ACACA: variants seen among roughly 807,000 people sequenced by gnomAD.
ACACA encodes acetyl-CoA carboxylase 1.
ACACA carries 103 observed loss-of-function variants against 296.1 expected under a neutral mutation model. The observed-to-expected ratio is 0.35, with a 90% CI of 0.30 to 0.41. The LOEUF (loss-of-function observed/expected upper bound fraction) is 0.41, where lower values mean the gene tolerates loss of function less well. Ranked by LOEUF, ACACA falls within the 10% of genes least tolerant of loss-of-function variation. The pLI is 1.00. For missense variants in ACACA, 1,554 were observed against 2,989.7 expected, an observed-to-expected ratio of 0.52 and a Z score of 11.20; for synonymous variants, 953 against 1,038.6, an observed-to-expected ratio of 0.92 and a Z score of 1.58.
chr17:37,278,923 G>A (rs953210023), intron 5 of ACACA, among the ~76,000 whole-genome samples: 3 of 152,084 alleles, frequency 2.0e-5, no homozygotes, highest in Non-Finnish European at 4.4e-5. Flanking sequence ...ATCCAGGTTT[G>A]TTACATAGGT....
intron 6 of ACACA, 80 bp from the exon 7 acceptor site, chr17:37,277,194 G>T: frequency 1.5e-6 from 2 of 1,325,508 alleles, no homozygotes; most frequent in Non-Finnish European, 1.1e-6. Flanking sequence ...ATCCAGGCTG[G>T]CCCTGTTTCT....
intron 42 of ACACA, among the ~76,000 whole-genome samples, 193 bp from the exon 43 acceptor site, chr17:37,155,973 C>T (rs536774818): frequency 6.6e-6 from 1 of 151,732 alleles, no homozygotes; most frequent in South Asian, 2.1e-4. Context: ...TTTTTTCACT[C>T]ACTAACTGTC....
chr17:37,225,335 A>G, intron 26 of ACACA: 1 of 487,878 alleles, frequency 2.0e-6, no homozygotes, highest in South Asian at 2.1e-5. Context: ...CCAATTTCCC[A>G]TGGTGGGTAG....
intron 51 of ACACA, among the ~76,000 whole-genome samples, 183 bp from the exon 52 acceptor site, chr17:37,111,826 G>A (rs760988576): frequency 6.6e-6 from 1 of 152,096 alleles, no homozygotes; most frequent in Admixed American, 6.5e-5. Flanking sequence ...TCTAAGTGAG[G>A]TATGAGAAAG....
intron 25 of ACACA, among the ~76,000 whole-genome samples, chr17:37,231,327 C>T (rs573528173): frequency 2.6e-5 from 4 of 152,162 alleles, no homozygotes; most frequent in African/African-American, 9.6e-5. Flanking sequence ...AGAATGTGAC[C>T]TTATGTGTAA....
chr17:37,353,636 C>CT (rs1423477997), intron 1 of ACACA, among the ~76,000 whole-genome samples: 6 of 20,454 alleles, frequency 2.9e-4, no homozygotes, highest in Admixed American at 8.9e-4. Flanking sequence ...AAGACTCCGT[C>CT]TAAAAAAAAA....
At chr17:37,309,618 T>C (rs138602091) in intron 3 of ACACA, among the ~76,000 whole-genome samples, 5 of 152,052 alleles carry the variant, frequency 3.3e-5, no homozygotes, top group African/African-American at 4.8e-5. Context: ...TAAGGACCAG[T>C]GCATGTGGCC....
rs775587842 is a variant in ACACA at position 37,181,306 on chromosome 17, T to G, written c.4827A>C (p.Leu1609Phe). The G allele has an allele frequency of 6.2e-7, 1 of 1,613,946 alleles. No homozygotes were observed. Among genetic ancestry groups the G allele is most frequent in the Non-Finnish European group, 8.5e-7 (1 of 1,179,922 alleles). ...GDKQGPLHGM[L>F]INTPYVTKDL... ...CTTTGGTCACATATGGAGTATTGAT[T>G]AACATTCCATGCAGTGGTCCCTGTT... is the stretch of plus-strand genomic sequence containing the variant. Residue 1609 changes from leucine (L) to phenylalanine (F), a missense_variant, in exon 40 of 56, where the codon TTA becomes TTC. Leu to Phe is a conservative substitution (Grantham distance 22, BLOSUM62 0). This residue lies in a region of ACACA where 553 missense variants were observed against 1,043.6 expected (regional missense o/e 0.53). Coordinates refer to ENST00000616317, the MANE Select transcript of ACACA (RefSeq NM_198834.3).
intron 3 of ACACA, among the ~76,000 whole-genome samples, chr17:37,297,533 A>G (rs199705721): frequency 4.3e-4 from 53 of 121,918 alleles, no homozygotes; most frequent in Admixed American, 1.4e-3. Flanking sequence ...ATGTGTGTGT[A>G]TATATATATA....
At chr17:37,229,085 A>G (rs2079700059) in intron 25 of ACACA, among the ~76,000 whole-genome samples, 1 of 150,052 alleles carries the variant, frequency 6.7e-6, no homozygotes, top group South Asian at 2.1e-4. Context: ...CAGAGCTTGC[A>G]GTGAGCCGAG....
At chr17:37,092,905 A>G (rs954842022) in intron 54 of ACACA, among the ~76,000 whole-genome samples, 2 of 152,176 alleles carry the variant, frequency 1.3e-5, no homozygotes, top group African/African-American at 2.4e-5. Context: ...TATCCAACAG[A>G]AGCCCAAGAA....
intron 54 of ACACA, among the ~76,000 whole-genome samples, chr17:37,094,533 G>C (rs1414668241): frequency 6.8e-6 from 1 of 147,396 alleles, no homozygotes; most frequent in African/African-American, 2.5e-5. Context: ...TTGCACTTGA[G>C]AAACACAACA....
At chr17:37,393,318 G>A (rs2050961036) in intron 1 of ACACA, among the ~76,000 whole-genome samples, 2 of 152,062 alleles carry the variant, frequency 1.3e-5, no homozygotes, top group Middle Eastern at 3.4e-3. Context: ...CTGTGACTTA[G>A]TTTGACAATA....
intron 50 of ACACA, among the ~76,000 whole-genome samples, chr17:37,117,854 C>T (rs2074333059): frequency 6.6e-6 from 1 of 151,644 alleles, no homozygotes; most frequent in Non-Finnish European, 1.5e-5. Flanking sequence ...TAATCTTTTC[C>T]TACTCATTAC....
At chr17:37,089,128 C>T in intron 54 of ACACA, 54 bp from the exon 55 acceptor site, 1 of 1,613,172 alleles carries the variant, frequency 6.2e-7, no homozygotes, top group Non-Finnish European at 8.5e-7. Flanking sequence ...GGCCGGGACA[C>T]CCTGACTATT....
intron 45 of ACACA, among the ~76,000 whole-genome samples, chr17:37,132,283 A>G (rs1207251001): frequency 1.3e-5 from 2 of 152,226 alleles, no homozygotes; most frequent in Non-Finnish European, 2.9e-5. Context: ...GTGCACACAC[A>G]TGCACACTCA....
chr17:37,341,608 T>G (rs1406852361), intron 1 of ACACA, among the ~76,000 whole-genome samples: 1 of 151,112 alleles, frequency 6.6e-6, no homozygotes, highest in Non-Finnish European at 1.5e-5. Context: ...GAGAATCGCT[T>G]GAACCCGAGA....
At chr17:37,164,050 T>C (rs1042687896) in intron 41 of ACACA, among the ~76,000 whole-genome samples, 3 of 151,780 alleles carry the variant, frequency 2.0e-5, no homozygotes, top group East Asian at 1.9e-4. Context: ...CCATTCTTTT[T>C]TTCCCCCTTT....
intron 35 of ACACA, among the ~76,000 whole-genome samples, chr17:37,199,508 A>T (rs1337298928): frequency 6.6e-6 from 1 of 152,192 alleles, no homozygotes; most frequent in South Asian, 2.1e-4. Context: ...TTAACAGTTA[A>T]TTCAGTTAAA....
Sources: gnomAD v4.1 joint callset for allele counts (sites outside exome capture counted in the v4.1 genomes callset) on GRCh38, gnomAD v4.1.1 for gene constraint, gnomAD v4.1.1 regional missense constraint, MANE v1.5 for transcripts, NCBI Gene and HGNC (gene_info 2026-07-23, HGNC 2026-07-21) for gene names.